The following MTUS2 variants were observed in gnomAD, a reference collection of about 807,000 sequenced individuals.
The protein encoded by MTUS2 is microtubule associated scaffold protein 2.
MTUS2 carries 40 observed loss-of-function variants against 114.1 expected under a neutral mutation model. The observed-to-expected ratio is 0.35, with a 90% CI of 0.27 to 0.46. The LOEUF (loss-of-function observed/expected upper bound fraction) is 0.46, where lower values mean the gene tolerates loss of function less well. MTUS2 is among the 20% of genes least tolerant of loss of function. The pLI is 1.00. For synonymous variants in MTUS2, 688 were observed against 672.0 expected (o/e 1.02, Z -0.37); for missense variants, 1,679 against 1,705.4 (o/e 0.98, Z 0.27).
chr13:29,473,652 T>C (rs184022429), intron 9 of MTUS2, among the ~76,000 whole-genome samples: 60 of 152,354 alleles, frequency 3.9e-4, no homozygotes, highest in Middle Eastern at 3.4e-3. Context: ...TTATTCATTG[T>C]CAATAATCAT....
intron 9 of MTUS2, among the ~76,000 whole-genome samples, chr13:29,441,847 C>T (rs1877903420): frequency 6.6e-6 from 1 of 152,136 alleles, no homozygotes; most frequent in Non-Finnish European, 1.5e-5. Context: ...TTTAAAAGGA[C>T]CTTCTGCCTC....
chr13:29,393,724 G>T (rs1411392710), intron 8 of MTUS2, among the ~76,000 whole-genome samples: 2 of 152,140 alleles, frequency 1.3e-5, no homozygotes, highest in African/African-American at 4.8e-5. Context: ...AGGTCCTGAC[G>T]ACATGTGCCC....
chr13:29,217,568 C>T (rs758737253), intron 5 of MTUS2, among the ~76,000 whole-genome samples: 7 of 152,080 alleles, frequency 4.6e-5, no homozygotes, highest in Non-Finnish European at 8.8e-5. Flanking sequence ...ATTTTTTTGT[C>T]GTGGTGGTTC....
intron 5 of MTUS2, among the ~76,000 whole-genome samples, chr13:29,104,986 T>C (rs1262483209): frequency 6.6e-6 from 1 of 152,182 alleles, no homozygotes; most frequent in Non-Finnish European, 1.5e-5. Flanking sequence ...ACCTAATGTG[T>C]ATAGGTTGTG....
chr13:29,325,193 C>T lies in MTUS2; in HGVS notation c.2905+482C>T, dbSNP rs145996568. On this transcript the variant is annotated intron_variant, in intron 7 of 15. Transcript: ENST00000612955. ...ATTCCTGGCCAGGCGTGGTGGCTCA[C>T]GCCTGTAATCCCAGCACTTTGGGAG... 9.9e-3 allele frequency among the ~76,000 whole-genome samples: 1,499 copies of T among 152,172 alleles called. 15 individuals are homozygous for T. The highest frequency in any genetic ancestry group is 0.034 in the African/African-American group (1,392 of 41,528).
intron 2 of MTUS2, among the ~76,000 whole-genome samples, chr13:28,927,440 C>T (rs1056470781): frequency 2.6e-5 from 4 of 152,062 alleles, no homozygotes; most frequent in African/African-American, 9.7e-5. Flanking sequence ...GTGGCATGCA[C>T]CTGTAGTCCC....
Position 29,025,019 on chromosome 13 carries a change from A to C in MTUS2, c.321A>C (p.Glu107Asp). The C allele has an allele frequency of 6.2e-7, 1 of 1,614,010 alleles. No homozygotes were observed. The highest frequency in any genetic ancestry group is 2.2e-5 in the East Asian group (1 of 44,874). ...DFRLSSTIQR[E>D]LNEEHTVERG... ...GACTTTCTTCAACCATTCAGAGGGAACTCAATGAAGAGCACACAGTGGAGA... is the reference window on the plus strand; with the variant it reads ...GACTTTCTTCAACCATTCAGAGGGACCTCAATGAAGAGCACACAGTGGAGA... The change falls in exon 3 of 16, where the codon GAA becomes GAC. Residue 107 changes from glutamate (E) to aspartate (D), a missense_variant. By Grantham distance (45) the Glu-to-Asp change is conservative. Transcript: ENST00000612955.
intron 4 of MTUS2, among the ~76,000 whole-genome samples, chr13:29,039,517 A>G (rs1429503751): frequency 6.6e-6 from 1 of 152,182 alleles, no homozygotes; most frequent in African/African-American, 2.4e-5. Context: ...GGACCGGGGA[A>G]GCTCAGGCTT....
At chr13:29,345,568 A>G (rs1314089297) in intron 7 of MTUS2, among the ~76,000 whole-genome samples, 3 of 151,508 alleles carry the variant, frequency 2.0e-5, no homozygotes, top group African/African-American at 4.9e-5. Flanking sequence ...CATGTCCTAT[A>G]ACATTGTTTT....
chr13:29,092,751 T>C (rs547942771), intron 4 of MTUS2, among the ~76,000 whole-genome samples: 1 of 151,818 alleles, frequency 6.6e-6, no homozygotes, highest in African/African-American at 2.4e-5. Flanking sequence ...CATGGAGGTC[T>C]CTGGCTGGCA....
At chr13:29,045,652 G>A (rs1339884606) in intron 4 of MTUS2, among the ~76,000 whole-genome samples, 2 of 152,162 alleles carry the variant, frequency 1.3e-5, no homozygotes, top group Non-Finnish European at 1.5e-5. Flanking sequence ...GAGAGATCTG[G>A]GAGGGACAGT....
Position 29,476,854 on chromosome 13 carries a change from T to C in MTUS2, c.3185-3296T>C, listed in dbSNP as rs1327302106. 3 of 152,366 alleles carry C rather than the reference T, an allele frequency of 2.0e-5. No homozygotes were observed. In the East Asian group the frequency reaches 5.8e-4, roughly 29 times the overall value. 9.4% of individuals were successfully genotyped at this position (152,366 alleles called of 1,614,324 possible). A position where few individuals can be genotyped will look rare whatever the true frequency, so the allele number is the denominator to read the frequency against. On this transcript the variant is annotated intron_variant, in intron 9 of 15. Coordinates refer to ENST00000612955, the MANE Select transcript of MTUS2 (RefSeq NM_001033602.4). ...TATCAGCCTTGCAGGTGAAAAATGA[T>C]TGCCTGCTTCCATCTGCAAGGGCAC...
chr13:29,395,086 CT>C (rs1213850555), intron 8 of MTUS2, among the ~76,000 whole-genome samples: 2 of 152,164 alleles, frequency 1.3e-5, no homozygotes, highest in Admixed American at 6.5e-5. Flanking sequence ...GGATAAAATA[CT>C]TTGATTTCTT....
At chr13:28,873,720 C>A (rs979895063) in intron 2 of MTUS2, among the ~76,000 whole-genome samples, 1 of 152,148 alleles carries the variant, frequency 6.6e-6, no homozygotes, top group African/African-American at 2.4e-5. Context: ...CCTAGAATCA[C>A]ATGCATTGGT....
At position 29,024,884 on chromosome 13, in the gene MTUS2, T is replaced by G. The variant is rs764458703; in HGVS notation, c.186T>G (p.Asn62Lys). The change falls in exon 3 of 16, where the codon AAT (asparagine) becomes AAG (lysine). Residue 62 changes from asparagine (N) to lysine (K), a missense_variant. Coordinates refer to ENST00000612955, the MANE Select transcript of MTUS2 (RefSeq NM_001033602.4). Reference sequence around the variant, plus strand: ...GTGACCTGGGAGATGAAATTGGAAATACAAATTCAAGTGAGCCAGAAAACC... The same window carrying G: ...GTGACCTGGGAGATGAAATTGGAAAGACAAATTCAAGTGAGCCAGAAAACC... ...KTCDLGDEIG[N>K]TNSSEPENRT... 1 of 1,613,876 alleles carries G rather than the reference T, an allele frequency of 6.2e-7. No individual in the cohort carries two copies. The highest frequency in any genetic ancestry group is 8.5e-7 in the Non-Finnish European group (1 of 1,179,858).
rs374359303 is a variant in MTUS2 at position 28,837,698 on chromosome 13, A to G, written c.-315-2080A>G. ...ATAATTCCAACTTGTCTGTTAATTCAGAGCTGTTCTATTTGCAGCTCTTTA... is the reference window on the plus strand; with the variant it reads ...ATAATTCCAACTTGTCTGTTAATTCGGAGCTGTTCTATTTGCAGCTCTTTA... On this transcript the variant is annotated intron_variant, in intron 1 of 15. Coordinates refer to ENST00000612955, the MANE Select transcript of MTUS2 (RefSeq NM_001033602.4). Among the ~76,000 whole-genome samples the G allele has an allele frequency of 5.3e-5, 8 of 152,348 alleles. No individual in the cohort carries two copies. The East Asian group carries it at 5.8e-4, about 11-fold the overall frequency.
chr13:29,266,489 G>T (rs1897671418), intron 5 of MTUS2, among the ~76,000 whole-genome samples: 1 of 152,194 alleles, frequency 6.6e-6, no homozygotes, highest in Admixed American at 6.5e-5. Flanking sequence ...TTGGGGGAAA[G>T]AGTAGTGGTG....
At position 29,415,791 on chromosome 13, in the gene MTUS2, C is replaced by T. The variant is rs527353336; in HGVS notation, c.3118-24192C>T. Among the ~76,000 whole-genome samples, 135 of 152,152 alleles carry T rather than the reference C, an allele frequency of 8.9e-4. 1 individual carries two copies. In the South Asian group the frequency reaches 0.013, roughly 15 times the overall value. ...TCTTGTGTTTCTTTTATCTGCTTTA[C>T]TCTTCAATTATGAAAAATGAAATTT... On this transcript the variant is annotated intron_variant, in intron 8 of 15. Transcript: ENST00000612955.
chr13:29,275,392 T>C (rs1443919259), intron 5 of MTUS2, among the ~76,000 whole-genome samples: 1 of 152,188 alleles, frequency 6.6e-6, no homozygotes. Flanking sequence ...TATACTCTTT[T>C]AGTTATTTTT....
Sources: gnomAD v4.1 joint callset for allele counts (sites outside exome capture counted in the v4.1 genomes callset) on GRCh38, gnomAD v4.1.1 for gene constraint, MANE v1.5 for transcripts, NCBI Gene and HGNC (gene_info 2026-07-23, HGNC 2026-07-21) for gene names.